Variants in ZCCHC2 observed in about 807,000 individuals in gnomAD.
The protein encoded by ZCCHC2 is zinc finger CCHC domain-containing protein 2.
Under a neutral mutation model 103.6 loss-of-function variants are expected in ZCCHC2, and 39 were observed. That is an observed-to-expected ratio of 0.38 (90% confidence interval 0.29 to 0.49). The LOEUF (loss-of-function observed/expected upper bound fraction) is 0.49. Ranked by LOEUF, ZCCHC2 falls within the 20% of genes least tolerant of loss-of-function variation. ZCCHC2 has a pLI of 0.96. For missense variants in ZCCHC2, 1,483 were observed against 1,491.0 expected (o/e 0.99, Z 0.09); for synonymous variants, 687 against 608.9 (o/e 1.13, Z -1.89).
chr18:62,573,070 T>G (rs1243190545), intron 12 of ZCCHC2, among the ~76,000 whole-genome samples: 1 of 152,182 alleles, frequency 6.6e-6, no homozygotes, highest in African/African-American at 2.4e-5. Context: ...GACGAATTCG[T>G]TTTTAGTGTT....
rs1490100812 is a variant in ZCCHC2, at chr18:62,523,909, C to T, written c.485C>T (p.Ala162Val). The T allele has an allele frequency of 3.9e-6, 6 of 1,536,508 alleles. No individual in the cohort carries two copies. Among genetic ancestry groups the T allele is most frequent in the Non-Finnish European group, 4.4e-6 (5 of 1,144,264 alleles). The change falls in exon 1 of 14, where the codon GCC becomes GTC. Residue 162 changes from alanine (A) to valine (V), a missense_variant. Physicochemically the swap from Ala to Val is moderately conservative, Grantham distance 64 (BLOSUM62 0). Transcript: ENST00000269499. ...ANGLSDPGPL[A>V]DFREPAVRSR... ...GGCCTCTCGGACCCGGGGCCGCTGG[C>T]CGACTTCCGAGAGCCCGCGGTGCGC... is the stretch of plus-strand genomic sequence containing the variant.
chr18:62,567,920 G>A (rs947605959), intron 11 of ZCCHC2, among the ~76,000 whole-genome samples: 2 of 100,062 alleles, frequency 2.0e-5, no homozygotes, highest in African/African-American at 4.5e-5. Context: ...ACTCCAGCCG[G>A]GGCGACAGAA....
chr18:62,585,547 A>T (rs1225391401), exon 15 of ZCCHC2: 1 of 151,504 alleles, frequency 6.6e-6, no homozygotes, highest in African/African-American at 2.4e-5. Context: ...TATTGGAGTC[A>T]CGTCATATTT....
At chr18:62,526,473 G>A (rs1446939832) in intron 1 of ZCCHC2, 1 of 152,422 alleles carries the variant, frequency 6.6e-6, no homozygotes, top group East Asian at 1.9e-4. Context: ...AGTGACCTCC[G>A]AGTCCCAGCT....
At position 62,575,232 on chromosome 18, in the gene ZCCHC2, C is replaced by G; in HGVS notation, c.3151C>G (p.Leu1051Val). Residue 1051 changes from leucine (L) to valine (V), a missense_variant, in exon 13 of 14, where the codon CTG (leucine) becomes GTG (valine). This residue lies in a region of ZCCHC2 where 884 missense variants were observed against 907.5 expected (regional missense o/e 0.97). Transcript: ENST00000269499. ...PMYRVPSFFT[L>V]PSICNGSYLN... ...GTACCGAGTCCCTTCATTCTTTACTCTGCCATCCATTTGCAATGGCAGCTA... is the reference window on the plus strand; with the variant it reads ...GTACCGAGTCCCTTCATTCTTTACTGTGCCATCCATTTGCAATGGCAGCTA... 6.2e-7 allele frequency: 1 copy of G among 1,614,006 alleles called. No individual in the cohort carries two copies. Among genetic ancestry groups the G allele is most frequent in the Non-Finnish European group, 8.5e-7 (1 of 1,179,884 alleles).
At chr18:62,527,766 T>C (rs1186637281) in intron 1 of ZCCHC2, among the ~76,000 whole-genome samples, 1 of 152,230 alleles carries the variant, frequency 6.6e-6, no homozygotes, top group African/African-American at 2.4e-5. Flanking sequence ...TTATATAGCA[T>C]AGCTGAAAAC....
At chr18:62,526,231 T>C (rs899559383) in intron 1 of ZCCHC2, 1 of 152,174 alleles carries the variant, frequency 6.6e-6, no homozygotes, top group African/African-American at 2.4e-5. Flanking sequence ...CTGGGAGGGA[T>C]GGACAAAGTG....
chr18:62,543,277 TGA>T (rs1261100014), intron 3 of ZCCHC2, among the ~76,000 whole-genome samples: 1 of 152,186 alleles, frequency 6.6e-6, no homozygotes, highest in African/African-American at 2.4e-5. Flanking sequence ...GAGTTATTTC[TGA>T]CCCTCCACTA....
chr18:62,523,592 C>T lies in ZCCHC2; in HGVS notation c.168C>T (p.Gly56=), dbSNP rs973760513. 5 of 1,010,036 alleles carry T rather than the reference C, an allele frequency of 5.0e-6. No homozygotes were observed. The highest frequency in any genetic ancestry group is 5.9e-5 in the Admixed American group (1 of 16,926). 62.6% of individuals were successfully genotyped at this position (1,010,036 alleles called of 1,614,324 possible). A position where few individuals can be genotyped will look rare whatever the true frequency, so the allele number is the denominator to read the frequency against. Residue 56 remains glycine, a synonymous_variant, in exon 1 of 14, where the codon GGC becomes GGT. Coordinates refer to ENST00000269499, the MANE Select transcript of ZCCHC2 (RefSeq NM_017742.6). ...PPPPPAGPSR[G]PLPPPPPPRG... ...CGCCGCCCGCGGGCCCGTCGCGGGG[C>T]CCTCTGCCGCCGCCGCCGCCGCCCC...
At chr18:62,571,193 G>C (rs1272742724) in intron 12 of ZCCHC2, among the ~76,000 whole-genome samples, 6 of 144,490 alleles carry the variant, frequency 4.2e-5, no homozygotes, top group Admixed American at 2.8e-4. Context: ...GTAACACAGA[G>C]TGAGTGCTAG....
intron 1 of ZCCHC2, among the ~76,000 whole-genome samples, chr18:62,529,091 C>T (rs1217225329): frequency 3.7e-5 from 5 of 134,496 alleles, no homozygotes; most frequent in Non-Finnish European, 6.1e-5. Flanking sequence ...ACCAGAGAAG[C>T]GGAGGTTGTA....
At chr18:62,579,815 C>A (rs888937367), downstream of ZCCHC2, among the ~76,000 whole-genome samples, 10 of 152,066 alleles carry the variant, frequency 6.6e-5, no homozygotes, top group Non-Finnish European at 1.2e-4. Flanking sequence ...CTCCACCTCC[C>A]GGGTTCAAGT....
At position 62,576,516 on chromosome 18, in the gene ZCCHC2, T is replaced by C; in HGVS notation, c.3474T>C (p.Thr1158=). The C allele has an allele frequency of 6.2e-7, 1 of 1,613,540 alleles. No individual in the cohort carries two copies. The highest frequency in any genetic ancestry group is 1.3e-5 in the African/African-American group (1 of 75,018). ...QSSMEANQQG[T]YRLRYAPPLP... is the part of the protein sequence containing the mutation. ...GTTCTGTCTTTCCCATTTTAGGCAC[T>C]TACAGACTGAGATACGCACCTCCCC... The change falls in exon 14 of 14, where the codon ACT becomes ACC. Residue 1158 remains threonine, a synonymous_variant. Coordinates refer to ENST00000269499, the MANE Select transcript of ZCCHC2 (RefSeq NM_017742.6).
At chr18:62,540,773 T>C (rs1915137285) in intron 2 of ZCCHC2, among the ~76,000 whole-genome samples, 1 of 152,240 alleles carries the variant, frequency 6.6e-6, no homozygotes, top group Admixed American at 6.5e-5. Flanking sequence ...CTTGTATTCC[T>C]ACTTCTTAAA....
chr18:62,542,456 A>G, intron 2 of ZCCHC2, 42 bp from the exon 3 acceptor site: 2 of 1,505,336 alleles, frequency 1.3e-6, no homozygotes, highest in Non-Finnish European at 1.8e-6. Context: ...ATGTGTCTAT[A>G]GTCTTTGTAG....
chr18:62,541,349 G>T (rs1205395799), intron 2 of ZCCHC2, among the ~76,000 whole-genome samples: 2 of 152,184 alleles, frequency 1.3e-5, no homozygotes, highest in African/African-American at 4.8e-5. Flanking sequence ...TTTATTATAA[G>T]TGTCTTTTCC....
At chr18:62,555,405 T>C (rs1915844184) in intron 5 of ZCCHC2, among the ~76,000 whole-genome samples, 1 of 152,214 alleles carries the variant, frequency 6.6e-6, no homozygotes, top group South Asian at 2.1e-4. Context: ...TTGTAGAATA[T>C]ATGTATGATA....
At chr18:62,560,007 A>T (rs1335636468) in intron 7 of ZCCHC2, among the ~76,000 whole-genome samples, 1 of 152,234 alleles carries the variant, frequency 6.6e-6, no homozygotes, top group Non-Finnish European at 1.5e-5. Flanking sequence ...ATACTGAAGG[A>T]CAGTTGTATA....
At position 62,564,556 on chromosome 18, in the gene ZCCHC2, T is replaced by C; in HGVS notation, c.1687-15T>C. 1.3e-6 allele frequency: 2 copies of C among 1,512,412 alleles called. No homozygotes were observed. Among genetic ancestry groups the C allele is most frequent in the Non-Finnish European group, 1.8e-6 (2 of 1,124,998 alleles). The allele number at this position is 1,512,412 out of a possible 1,614,324, so 93.7% of individuals were successfully genotyped here. On this transcript the variant is annotated splice_polypyrimidine_tract_variant and intron_variant, in intron 9 of 13. Transcript: ENST00000269499. ...TTAGCTTTTGTCTGATTTGTCTTTT[T>C]ATTCTTTCTACTAGCATTCTGCTGA... is the stretch of plus-strand genomic sequence containing the variant.
Sources: allele counts gnomAD v4.1 joint callset (sites outside exome capture counted in the v4.1 genomes callset), GRCh38; gene constraint gnomAD v4.1.1; regional missense constraint gnomAD v4.1.1; transcripts MANE v1.5; gene names NCBI Gene and HGNC (gene_info 2026-07-23, HGNC 2026-07-21).